SH3GL2: variants seen among roughly 807,000 people sequenced by gnomAD.
SH3GL2 encodes the protein SH3 domain containing GRB2 like 2, endophilin A1.
SH3GL2 carries 24 observed loss-of-function variants against 46.0 expected under a neutral mutation model. The ratio of observed to expected loss-of-function variants is 0.52; its 90% CI spans 0.38 to 0.73. The LOEUF is 0.73. SH3GL2 is among the 30% of genes least tolerant of loss of function. The pLI, the probability that SH3GL2 is intolerant of heterozygous loss-of-function variation, is 0.00. For synonymous variants in SH3GL2, 196 were observed against 147.1 expected, an observed-to-expected ratio of 1.33 and a Z score of -2.40; for missense variants, 413 against 424.2, an observed-to-expected ratio of 0.97 and a Z score of 0.23.
At chr9:17,654,034 C>G (rs764324603) in intron 1 of SH3GL2, among the ~76,000 whole-genome samples, 1 of 152,276 alleles carries the variant, frequency 6.6e-6, no homozygotes, top group Non-Finnish European at 1.5e-5. Context: ...GCATTTTAAG[C>G]TTTGACTTTA....
In SH3GL2 at chr9:17,663,368, C is replaced by T. The variant is rs549520036; in HGVS notation, c.46-83698C>T. Reference sequence around the variant, plus strand: ...CTGTTTATTAATGCTTTCCTTTTGTCTGCTTTCCTCCTATTAAAATTTTTT... The same window carrying T: ...CTGTTTATTAATGCTTTCCTTTTGTTTGCTTTCCTCCTATTAAAATTTTTT... On this transcript the variant is annotated intron_variant, in intron 1 of 8. Coordinates refer to ENST00000380607, the MANE Select transcript of SH3GL2 (RefSeq NM_003026.5). Among the ~76,000 whole-genome samples the T allele has an allele frequency of 5.3e-5, 8 of 152,180 alleles. No individual in the cohort carries two copies. The South Asian group carries it at 1.0e-3, about 20-fold the overall frequency.
chr9:17,761,552 C>A, intron 3 of SH3GL2, 43 bp downstream of exon 3: 1 of 1,143,500 alleles, frequency 8.7e-7, no homozygotes, highest in Non-Finnish European at 1.3e-6. Flanking sequence ...CTCGAGGTAA[C>A]TTTTAGTTTC....
rs192041050 is a variant in SH3GL2, at chr9:17,637,906, C to T, written c.45+58619C>T. Among the ~76,000 whole-genome samples the T allele has an allele frequency of 3.9e-5, 6 of 152,262 alleles. No homozygotes were observed. In the East Asian group the frequency reaches 1.2e-3, roughly 29 times the overall value. On this transcript the variant is annotated intron_variant, in intron 1 of 8. Transcript: ENST00000380607. ...GCGCGGTGGCTCAAGCCTGTAATCCCAGCACTTTGGGAGGCCGAGGCGGGC... is the reference window on the plus strand; with the variant it reads ...GCGCGGTGGCTCAAGCCTGTAATCCTAGCACTTTGGGAGGCCGAGGCGGGC...
Position 17,738,641 on chromosome 9 carries a change from T to TATATAGAG in SH3GL2, c.46-8424_46-8423insTATAGAGA, listed in dbSNP as rs376280314. ...TCATGTGATTTTATATATATATATATAGAGAGAGAGAGAGAGAGAGAGAGA... is the reference window on the plus strand; with the variant it reads ...TCATGTGATTTTATATATATATATATATATAGAGAGAGAGAGAGAGAGAGAGAGAGAGA... On this transcript the variant is annotated intron_variant, in intron 1 of 8. Coordinates refer to ENST00000380607, the MANE Select transcript of SH3GL2 (RefSeq NM_003026.5). 1.7e-3 allele frequency among the ~76,000 whole-genome samples: 151 copies of TATATAGAG among 88,868 alleles called. 3 individuals are homozygous for TATATAGAG. The highest frequency in any genetic ancestry group is 3.8e-3 in the African/African-American group (102 of 26,848). The allele number at this position is 88,868 out of a possible 152,430, so 58.3% of individuals were successfully genotyped here.
chr9:17,743,831 A>G (rs1415815835), intron 1 of SH3GL2, among the ~76,000 whole-genome samples: 2 of 152,200 alleles, frequency 1.3e-5, no homozygotes, highest in African/African-American at 4.8e-5. Flanking sequence ...TTGATAAGGG[A>G]AATGGTTTAT....
At chr9:17,585,579 G>A (rs10963152) in intron 1 of SH3GL2, among the ~76,000 whole-genome samples, 34,322 of 152,098 alleles carry the variant, frequency 0.23, 5,100 homozygotes, top group Non-Finnish European at 0.33. Flanking sequence ...TGGGGTGGAG[G>A]TGACAGCTCT....
At chr9:17,608,230 C>G (rs185656484) in intron 1 of SH3GL2, among the ~76,000 whole-genome samples, 1,539 of 142,686 alleles carry the variant, frequency 0.011, 28 homozygotes, top group African/African-American at 0.037. Flanking sequence ...TCACTGCAAG[C>G]TCTGCCTCCC....
At chr9:17,660,746 A>T (rs1820192983) in intron 1 of SH3GL2, among the ~76,000 whole-genome samples, 1 of 152,238 alleles carries the variant, frequency 6.6e-6, no homozygotes, top group Admixed American at 6.5e-5. Context: ...AACTTGCCTG[A>T]AAAGTGATAC....
At chr9:17,617,874 C>A (rs1050467722) in intron 1 of SH3GL2, among the ~76,000 whole-genome samples, 1 of 152,072 alleles carries the variant, frequency 6.6e-6, no homozygotes, top group African/African-American at 2.4e-5. Flanking sequence ...AAGGTAGGAT[C>A]AGATATCTTG....
At chr9:17,783,887 A>G (rs1034565632) in intron 3 of SH3GL2, among the ~76,000 whole-genome samples, 2 of 152,160 alleles carry the variant, frequency 1.3e-5, no homozygotes, top group Non-Finnish European at 2.9e-5. Flanking sequence ...GGTTGAGAGT[A>G]TATAATAGGA....
At chr9:17,641,917 TTAGAG>T (rs1308416888) in intron 1 of SH3GL2, among the ~76,000 whole-genome samples, 1 of 152,176 alleles carries the variant, frequency 6.6e-6, no homozygotes, top group African/African-American at 2.4e-5. Flanking sequence ...GCATGTGTCT[TTAGAG>T]TAGAATGTTT....
chr9:17,680,128 A>G (rs1391009334), intron 1 of SH3GL2, among the ~76,000 whole-genome samples: 1 of 152,114 alleles, frequency 6.6e-6, no homozygotes. Context: ...TGGTATCAGG[A>G]TGATGCTGGC....
chr9:17,716,967 G>T (rs1330634060), intron 1 of SH3GL2, among the ~76,000 whole-genome samples: 3 of 152,210 alleles, frequency 2.0e-5, no homozygotes, highest in Non-Finnish European at 4.4e-5. Flanking sequence ...TGGTTGGTTG[G>T]TTTCAGGCAG....
At chr9:17,763,256 G>GGTA (rs1291720054) in intron 3 of SH3GL2, among the ~76,000 whole-genome samples, 2 of 152,168 alleles carry the variant, frequency 1.3e-5, no homozygotes, top group African/African-American at 4.8e-5. Flanking sequence ...CTCTGTTGTA[G>GGTA]GTAGGTGTGG....
rs1026314598 is a variant in SH3GL2, at chr9:17,796,454, C to T, written c.*711C>T. ...GTGAGAGGGACTGAAAAGAAATTCT[C>T]CATTATGAGGAATTGGGAAGAAATC... is the stretch of plus-strand genomic sequence containing the variant. On this transcript the variant is annotated 3_prime_UTR_variant, in exon 9 of 9. Transcript: ENST00000380607. 6.6e-6 allele frequency: 1 copy of T among 151,992 alleles called. No homozygotes were observed. The highest frequency in any genetic ancestry group is 2.1e-4 in the South Asian group (1 of 4,662). 9.4% of individuals were successfully genotyped at this position (151,992 alleles called of 1,614,324 possible).
intron 2 of SH3GL2, among the ~76,000 whole-genome samples, chr9:17,753,233 A>G (rs1441125958): frequency 6.6e-6 from 1 of 152,126 alleles, no homozygotes; most frequent in Non-Finnish European, 1.5e-5. Flanking sequence ...CACTAATGGG[A>G]TTGCTGGGTC....
At chr9:17,789,818 G>T (rs2131190542) in intron 6 of SH3GL2, 1 of 943,024 alleles carries the variant, frequency 1.1e-6, no homozygotes, top group Middle Eastern at 5.5e-4. Flanking sequence ...TGGGGTTAAA[G>T]TCTTGAATAT....
chr9:17,643,526 T>C (rs1819735367), intron 1 of SH3GL2, among the ~76,000 whole-genome samples: 2 of 152,226 alleles, frequency 1.3e-5, no homozygotes, highest in Non-Finnish European at 1.5e-5. Flanking sequence ...TAAAAAGTTC[T>C]TATTATTTTG....
chr9:17,683,179 A>G (rs1008618685), intron 1 of SH3GL2, among the ~76,000 whole-genome samples: 2 of 152,108 alleles, frequency 1.3e-5, no homozygotes, highest in African/African-American at 4.8e-5. Flanking sequence ...TTTAAGTACT[A>G]AAAGCTGAAT....
Sources: gnomAD v4.1 joint callset for allele counts (sites outside exome capture counted in the v4.1 genomes callset) on GRCh38, gnomAD v4.1.1 for gene constraint, MANE v1.5 for transcripts, NCBI Gene and HGNC (gene_info 2026-07-23, HGNC 2026-07-21) for gene names.